Variants in IGF1R observed in about 807,000 individuals in gnomAD.
IGF1R encodes the protein insulin-like growth factor 1 receptor.
IGF1R carries 44 observed loss-of-function variants against 144.6 expected under a neutral mutation model. That is an observed-to-expected ratio of 0.30 (90% CI 0.24 to 0.39). The LOEUF (loss-of-function observed/expected upper bound fraction) is 0.39, where lower values mean the gene tolerates loss of function less well. IGF1R is among the 10% of genes least tolerant of loss of function. The pLI is 1.00. For synonymous variants in IGF1R, 795 were observed against 722.8 expected, an observed-to-expected ratio of 1.10 and a Z score of -1.60; for missense variants, 1,355 against 1,833.7, an observed-to-expected ratio of 0.74 and a Z score of 4.77.
At chr15:98,689,880 G>A (rs548041838) in intron 1 of IGF1R, among the ~76,000 whole-genome samples, 5 of 152,162 alleles carry the variant, frequency 3.3e-5, no homozygotes, top group Non-Finnish European at 5.9e-5. Flanking sequence ...CTGTCCTCAC[G>A]CTGCCCTCAA....
At position 98,920,812 on chromosome 15, in the gene IGF1R, C is replaced by T. The variant is rs139213430; in HGVS notation, c.2202-1336C>T. 1.0e-3 allele frequency among the ~76,000 whole-genome samples: 152 copies of T among 152,272 alleles called. 3 individuals carry two copies. In the East Asian group the frequency reaches 0.023, roughly 23 times the overall value. ...CGTGTGCCACTACACAAAGAAGGAC[C>T]GTGTTTTCCTCAGGGGAATCCATGG... On this transcript the variant is annotated intron_variant, in intron 10 of 20. Coordinates refer to ENST00000650285, the MANE Select transcript of IGF1R (RefSeq NM_000875.5).
intron 2 of IGF1R, among the ~76,000 whole-genome samples, chr15:98,815,213 G>A (rs1273017756): frequency 3.3e-5 from 5 of 152,232 alleles, no homozygotes; most frequent in African/African-American, 9.6e-5. Flanking sequence ...TGGCTCTTGG[G>A]GCAAACCAGC....
chr15:98,905,663 C>G (rs995208357), intron 5 of IGF1R, among the ~76,000 whole-genome samples: 19 of 142,830 alleles, frequency 1.3e-4, no homozygotes, highest in African/African-American at 4.7e-4. Context: ...GACCCTGTCT[C>G]AAGGGGAAAA....
chr15:98,906,453 C>A (rs1328596833), intron 5 of IGF1R, among the ~76,000 whole-genome samples: 4 of 152,194 alleles, frequency 2.6e-5, no homozygotes, highest in African/African-American at 9.7e-5. Flanking sequence ...CTGGAGAAAC[C>A]TATGAGCAAG....
intron 17 of IGF1R, among the ~76,000 whole-genome samples, chr15:98,936,443 A>G (rs2016151893): frequency 6.6e-6 from 1 of 152,158 alleles, no homozygotes; most frequent in Admixed American, 6.5e-5. Flanking sequence ...CTGAGACATA[A>G]AGCCAGCAAG....
At chr15:98,798,384 G>A (rs972503873) in intron 2 of IGF1R, among the ~76,000 whole-genome samples, 1 of 152,192 alleles carries the variant, frequency 6.6e-6, no homozygotes, top group African/African-American at 2.4e-5. Context: ...GTTATGTAGG[G>A]CCCTGGAGGC....
At chr15:98,947,396 T>C (rs2016593309) in intron 19 of IGF1R, among the ~76,000 whole-genome samples, 1 of 152,198 alleles carries the variant, frequency 6.6e-6, no homozygotes, top group Non-Finnish European at 1.5e-5. Flanking sequence ...GTTGGAAATC[T>C]CCTGCCCCAG....
At chr15:98,916,598 C>T (rs2015261536) in intron 9 of IGF1R, 74 bp from the exon 10 acceptor site, 2 of 1,244,544 alleles carry the variant, frequency 1.6e-6, no homozygotes, top group Non-Finnish European at 2.4e-6. Flanking sequence ...GTACTGAGAG[C>T]TATTATTTTT....
chr15:98,910,814 A>G (rs919314077), intron 6 of IGF1R, among the ~76,000 whole-genome samples: 1 of 152,206 alleles, frequency 6.6e-6, no homozygotes, highest in Non-Finnish European at 1.5e-5. Flanking sequence ...AGTTTAGACC[A>G]AGAAAAGTTC....
At chr15:98,924,097 G>GT in intron 12 of IGF1R, 85 bp downstream of exon 12, 1 of 1,299,970 alleles carries the variant, frequency 7.7e-7, no homozygotes, top group African/African-American at 1.5e-5. Context: ...TTACCTCCTG[G>GT]TTAGCATAGG....
intron 8 of IGF1R, among the ~76,000 whole-genome samples, chr15:98,914,751 C>G (rs973219078): frequency 6.6e-6 from 1 of 152,108 alleles, no homozygotes; most frequent in Non-Finnish European, 1.5e-5. Flanking sequence ...AGTCAGTTCA[C>G]TACGTTTTGT....
intron 1 of IGF1R, among the ~76,000 whole-genome samples, chr15:98,668,580 T>G (rs1182742807): frequency 1.3e-5 from 2 of 152,216 alleles, no homozygotes; most frequent in East Asian, 3.9e-4. Context: ...ACTCAATTAT[T>G]GAGAAATTTT....
At chr15:98,814,422 C>T (rs1232251767) in intron 2 of IGF1R, among the ~76,000 whole-genome samples, 1 of 152,162 alleles carries the variant, frequency 6.6e-6, no homozygotes, top group African/African-American at 2.4e-5. Flanking sequence ...ACCATCATAG[C>T]TCACTGCAAC....
At chr15:98,929,467 T>C in intron 13 of IGF1R, 91 bp from the exon 14 acceptor site, 1 of 1,006,750 alleles carries the variant, frequency 9.9e-7, no homozygotes, top group East Asian at 2.4e-5. Flanking sequence ...TATACAGGTA[T>C]TTTTTTCATA....
At chr15:98,945,887 G>A (rs2016530274) in intron 19 of IGF1R, among the ~76,000 whole-genome samples, 1 of 152,096 alleles carries the variant, frequency 6.6e-6, no homozygotes, top group African/African-American at 2.4e-5. Context: ...AGTTGCTCAG[G>A]AGATAGGCTT....
At chr15:98,722,867 G>A (rs1274798607) in intron 2 of IGF1R, among the ~76,000 whole-genome samples, 1 of 152,160 alleles carries the variant, frequency 6.6e-6, no homozygotes, top group Non-Finnish European at 1.5e-5. Flanking sequence ...GTGTGGGCAG[G>A]AGGATTCTCA....
chr15:98,719,804 G>A (rs1596231075), intron 2 of IGF1R, among the ~76,000 whole-genome samples: 2 of 152,198 alleles, frequency 1.3e-5, no homozygotes, highest in Non-Finnish European at 2.9e-5. Flanking sequence ...GACTTGACTC[G>A]GTCCCACTGG....
intron 18 of IGF1R, among the ~76,000 whole-genome samples, chr15:98,939,667 A>T (rs1237359398): frequency 6.6e-6 from 1 of 152,206 alleles, no homozygotes; most frequent in Admixed American, 6.5e-5. Flanking sequence ...AATTAAGACA[A>T]TGTCTTCAGG....
chr15:98,736,016 C>A lies in IGF1R; in HGVS notation c.640+27909C>A, dbSNP rs78355410. 2.4e-3 allele frequency among the ~76,000 whole-genome samples: 364 copies of A among 152,318 alleles called. 7 individuals are homozygous for A. Among genetic ancestry groups the A allele is most frequent in the Admixed American group, 0.019 (286 of 15,312 alleles). On this transcript the variant is annotated intron_variant, in intron 2 of 20. Transcript: ENST00000650285. Reference sequence around the variant, plus strand: ...TCACTCACCAATATGGTTTCCTGTACAGTACTGCCCTGAGGGGGGATTACA... The same window carrying A: ...TCACTCACCAATATGGTTTCCTGTAAAGTACTGCCCTGAGGGGGGATTACA...
Sources: gnomAD v4.1 joint callset for allele counts (sites outside exome capture counted in the v4.1 genomes callset) on GRCh38, gnomAD v4.1.1 for gene constraint, MANE v1.5 for transcripts, NCBI Gene and HGNC (gene_info 2026-07-23, HGNC 2026-07-21) for gene names.